The following CFAP221 variants were observed in gnomAD, a reference collection of about 807,000 sequenced individuals.
CFAP221 encodes the protein cilia and flagella associated protein 221.
In CFAP221, 97 loss-of-function variants were observed where a neutral mutation model predicts 113.1. The ratio of observed to expected loss-of-function variants is 0.86; its 90% CI spans 0.73 to 1.02. The LOEUF is 1.02. CFAP221 is among the 50% of genes least tolerant of loss of function. The pLI is 0.00. For synonymous variants in CFAP221, 331 were observed against 354.4 expected, an observed-to-expected ratio of 0.93 and a Z score of 0.74; for missense variants, 1,025 against 1,013.4, an observed-to-expected ratio of 1.01 and a Z score of -0.16.
intron 14 of CFAP221, among the ~76,000 whole-genome samples, chr2:119,618,621 A>C (rs1305868630): frequency 6.6e-6 from 1 of 152,226 alleles, no homozygotes; most frequent in East Asian, 1.9e-4. Context: ...GGGTGCCTAC[A>C]CCACCAGAGC....
At chr2:119,580,073 G>A (rs528280782) in intron 6 of CFAP221, 3 of 152,274 alleles carry the variant, frequency 2.0e-5, no homozygotes, top group Admixed American at 6.5e-5. Context: ...TAACTAACTT[G>A]TAATGTTAGT....
At chr2:119,628,596 A>G in intron 16 of CFAP221, among the ~76,000 whole-genome samples, 1 of 152,234 alleles carries the variant, frequency 6.6e-6, no homozygotes, top group East Asian at 1.9e-4. Flanking sequence ...ATCGTTAGTA[A>G]TAAAAAGTAT....
At chr2:119,560,159 A>G (rs986043595) in intron 5 of CFAP221, 133 bp downstream of exon 5, 4 of 704,704 alleles carry the variant, frequency 5.7e-6, no homozygotes, top group African/African-American at 3.7e-5. Flanking sequence ...GGTGTTCCCC[A>G]GGTCACCAGT....
chr2:119,650,384 G>A (rs529360108), intron 22 of CFAP221, among the ~76,000 whole-genome samples: 2 of 152,212 alleles, frequency 1.3e-5, no homozygotes, highest in African/African-American at 4.8e-5. Context: ...GAGGACTGCA[G>A]CCAGGGTGGG....
At chr2:119,640,650 G>A (rs528267760) in intron 21 of CFAP221, among the ~76,000 whole-genome samples, 3 of 152,160 alleles carry the variant, frequency 2.0e-5, no homozygotes, top group Non-Finnish European at 4.4e-5. Context: ...GTCAAACAAA[G>A]TTCCAATCCT....
At chr2:119,592,049 G>C (rs969354452) in intron 7 of CFAP221, among the ~76,000 whole-genome samples, 1 of 152,026 alleles carries the variant, frequency 6.6e-6, no homozygotes, top group Non-Finnish European at 1.5e-5. Context: ...AATCCAAGTT[G>C]AAAAAACATT....
chr2:119,635,088 A>G (rs1687031940), intron 19 of CFAP221, among the ~76,000 whole-genome samples: 1 of 152,282 alleles, frequency 6.6e-6, no homozygotes, highest in Admixed American at 6.5e-5. Context: ...AAGAAGATAT[A>G]CAGATGGCAA....
intron 20 of CFAP221, among the ~76,000 whole-genome samples, chr2:119,639,032 C>T (rs957860623): frequency 6.6e-6 from 1 of 152,034 alleles, no homozygotes; most frequent in Non-Finnish European, 1.5e-5. Context: ...CCCATGAGAT[C>T]CTTTCCCTCC....
At chr2:119,602,215 A>G (rs1191672986) in intron 8 of CFAP221, among the ~76,000 whole-genome samples, 2 of 152,124 alleles carry the variant, frequency 1.3e-5, no homozygotes, top group Non-Finnish European at 2.9e-5. Flanking sequence ...CCCTGTCTCT[A>G]CTAAAAATAC....
In CFAP221 at chr2:119,592,090, T is replaced by A. The variant is rs182328843; in HGVS notation, c.631+4868T>A. Among the ~76,000 whole-genome samples, 576 of 151,970 alleles carry A rather than the reference T, an allele frequency of 3.8e-3. 4 individuals are homozygous for A. The highest frequency in any genetic ancestry group is 0.01 in the Middle Eastern group (3 of 292). ...GAATCTCATCACTCCAGAAATATCA[T>A]GAACATTTATCCCTGCAGACACCTC... is the stretch of plus-strand genomic sequence containing the variant. On this transcript the variant is annotated intron_variant, in intron 7 of 23. Transcript: ENST00000413369.
At position 119,566,835 on chromosome 2, in the gene CFAP221, GT is replaced by G. The variant is rs970287446; in HGVS notation, c.527+4731del. On this transcript the variant is annotated intron_variant, in intron 6 of 23. Coordinates refer to ENST00000413369, the MANE Select transcript of CFAP221 (RefSeq NM_001271049.2). ...TGGGACTTCTGACCGTGCTTGCAGGGTTTTTTTTTTCCTTCTAAGTTTTAGA... is the reference window on the plus strand; with the variant it reads ...TGGGACTTCTGACCGTGCTTGCAGGGTTTTTTTTTCCTTCTAAGTTTTAGA... Among the ~76,000 whole-genome samples the G allele has an allele frequency of 1.4e-4, 21 of 148,518 alleles. 1 individual carries two copies. Among genetic ancestry groups the G allele is most frequent in the South Asian group, 4.3e-4 (2 of 4,618 alleles).
intron 3 of CFAP221, among the ~76,000 whole-genome samples, chr2:119,554,627 T>G (rs1206459848): frequency 6.6e-6 from 1 of 152,180 alleles, no homozygotes; most frequent in African/African-American, 2.4e-5. Flanking sequence ...CCTGAAGATC[T>G]TGCATCTCAA....
chr2:119,609,810 C>T (rs1685028182), intron 12 of CFAP221, among the ~76,000 whole-genome samples: 1 of 152,162 alleles, frequency 6.6e-6, no homozygotes, highest in Non-Finnish European at 1.5e-5. Context: ...TGGGGAAAAA[C>T]ATTTCTTGTC....
At chr2:119,550,211 T>A (rs906444630) in intron 3 of CFAP221, among the ~76,000 whole-genome samples, 3 of 152,220 alleles carry the variant, frequency 2.0e-5, no homozygotes, top group African/African-American at 7.2e-5. Context: ...TACTTTTAGA[T>A]GTACGCATTC....
chr2:119,627,939 G>C (rs1172988781), intron 16 of CFAP221, among the ~76,000 whole-genome samples, 153 bp downstream of exon 16: 1 of 152,092 alleles, frequency 6.6e-6, no homozygotes, highest in East Asian at 1.9e-4. Flanking sequence ...GAAAACCAGG[G>C]ATCATCTCCT....
intron 1 of CFAP221, chr2:119,545,226 T>A (rs903198269): frequency 6.6e-6 from 1 of 152,208 alleles, no homozygotes; most frequent in African/African-American, 2.4e-5. Context: ...AACATTCCAT[T>A]TCAGAGGCTT....
At chr2:119,569,921 G>C (rs1269348232) in intron 6 of CFAP221, among the ~76,000 whole-genome samples, 2 of 152,130 alleles carry the variant, frequency 1.3e-5, no homozygotes, top group African/African-American at 2.4e-5. Context: ...TATCCATAGA[G>C]CCCTTAGCAT....
chr2:119,572,155 A>G (rs979005818), intron 6 of CFAP221, among the ~76,000 whole-genome samples: 1 of 152,334 alleles, frequency 6.6e-6, no homozygotes, highest in Middle Eastern at 3.4e-3. Context: ...CTATGTGGGC[A>G]CTTGCCAGCC....
chr2:119,596,505 C>A (rs894369165), intron 7 of CFAP221, among the ~76,000 whole-genome samples: 1 of 152,188 alleles, frequency 6.6e-6, no homozygotes, highest in Non-Finnish European at 1.5e-5. Context: ...TTCTCCACAT[C>A]CCCCCATCAG....
Sources: gnomAD v4.1 joint callset for allele counts (sites outside exome capture counted in the v4.1 genomes callset) on GRCh38, gnomAD v4.1.1 for gene constraint, MANE v1.5 for transcripts, NCBI Gene and HGNC (gene_info 2026-07-23, HGNC 2026-07-21) for gene names.